DNAAF9: variants seen among roughly 807,000 people sequenced by gnomAD.
DNAAF9 encodes shulin.
A neutral mutation model predicts 167.0 loss-of-function variants in DNAAF9; 90 were observed. That is an observed-to-expected ratio of 0.54 (90% CI 0.45 to 0.64). DNAAF9 has a LOEUF of 0.64. Among genes scored for constraint, DNAAF9 ranks in the 30% least tolerant of loss-of-function variants. The pLI is 0.00. For missense variants in DNAAF9, 1,315 were observed against 1,442.2 expected (o/e 0.91, Z 1.43); for synonymous variants, 491 against 508.8 (o/e 0.96, Z 0.47).
chr20:3,394,054 T>G (rs1600920354), intron 1 of DNAAF9, among the ~76,000 whole-genome samples: 2 of 152,202 alleles, frequency 1.3e-5, no homozygotes, highest in African/African-American at 4.8e-5. Flanking sequence ...AAAGTTGTAT[T>G]GGGCCGGGTG....
intron 1 of DNAAF9, among the ~76,000 whole-genome samples, chr20:3,397,725 G>A (rs1320616310): frequency 6.6e-6 from 1 of 151,402 alleles, no homozygotes; most frequent in East Asian, 2.0e-4. Context: ...TTTTTGGGGG[G>A]GGGGAACATC....
chr20:3,287,925 T>C, intron 26 of DNAAF9, 135 bp from the exon 27 acceptor site: 1 of 787,990 alleles, frequency 1.3e-6, no homozygotes, highest in Non-Finnish European at 2.1e-6. Context: ...GAAAGCCATC[T>C]TGGCCTCACA....
At chr20:3,390,512 G>A (rs1320303725) in intron 1 of DNAAF9, among the ~76,000 whole-genome samples, 2 of 151,952 alleles carry the variant, frequency 1.3e-5, no homozygotes, top group African/African-American at 2.4e-5. Flanking sequence ...TTACAGGCGT[G>A]TGCCACCATG....
At position 3,317,659 on chromosome 20, in the gene DNAAF9, C is replaced by T. The variant is rs145863512; in HGVS notation, c.1468+630G>A. Among the ~76,000 whole-genome samples, 585 of 150,732 alleles carry T rather than the reference C, an allele frequency of 3.9e-3. 6 individuals are homozygous for T. The highest frequency in any genetic ancestry group is 0.012 in the African/African-American group (507 of 40,996). ...TCACCCAGGCTGGAGTGCAGTGGTG[C>T]GACCTCAGCTCAATGCAACCTCCGC... On this transcript the variant is annotated intron_variant, in intron 17 of 36. Transcript: ENST00000252032.
At chr20:3,260,105 C>T (rs1015277395) in intron 31 of DNAAF9, 77 bp from the exon 32 acceptor site, 18 of 740,496 alleles carry the variant, frequency 2.4e-5, no homozygotes, top group Admixed American at 1.3e-4. Context: ...TCTGGGAGGC[C>T]GAGGCGGGTG....
At position 3,319,578 on chromosome 20, in the gene DNAAF9, C is replaced by T. The variant is rs141508855; in HGVS notation, c.1357-1178G>A. Among the ~76,000 whole-genome samples, 102 of 152,250 alleles carry T rather than the reference C, an allele frequency of 6.7e-4. 1 individual carries two copies. Among genetic ancestry groups the T allele is most frequent in the Middle Eastern group, 3.4e-3 (1 of 294 alleles). ...CCCTCCTACCCTGAATAGTAGTGAG[C>T]GGTGGGTGCTGGTGCAGATCTCCTA... On this transcript the variant is annotated intron_variant, in intron 16 of 36. Transcript: ENST00000252032.
chr20:3,340,848 AG>A, intron 9 of DNAAF9: 1 of 550,530 alleles, frequency 1.8e-6, no homozygotes, highest in Non-Finnish European at 3.3e-6. Flanking sequence ...GTTAACATTT[AG>A]GGACATAACT....
rs147864392 is a variant in DNAAF9 at position 3,370,435 on chromosome 20, G to T, written c.612+3613C>A. On this transcript the variant is annotated intron_variant, in intron 6 of 36. Transcript: ENST00000252032. ...CGCTAATTTTTTTTTTTTTGAGATGGAGTCTCACACTGTCGTCCAGCTGGA... is the reference window on the plus strand; with the variant it reads ...CGCTAATTTTTTTTTTTTTGAGATGTAGTCTCACACTGTCGTCCAGCTGGA... Among the ~76,000 whole-genome samples, 1,143 of 142,654 alleles carry T rather than the reference G, an allele frequency of 8.0e-3. 10 individuals are homozygous for T. The highest frequency in any genetic ancestry group is 0.03 in the African/African-American group (1,083 of 36,398). The allele number at this position is 142,654 out of a possible 152,430, so 93.6% of individuals were successfully genotyped here.
chr20:3,255,424 C>T, intron 34 of DNAAF9, 140 bp from the exon 35 acceptor site: 1 of 604,620 alleles, frequency 1.7e-6, no homozygotes, highest in South Asian at 2.0e-5. Flanking sequence ...ATATAATATT[C>T]TGTCTAGTCT....
chr20:3,330,259 T>C (rs1239191083), intron 12 of DNAAF9, among the ~76,000 whole-genome samples: 2 of 152,102 alleles, frequency 1.3e-5, no homozygotes, highest in Admixed American at 6.5e-5. Flanking sequence ...TCTTCTTCTT[T>C]TTTTTTTACA....
intron 1 of DNAAF9, among the ~76,000 whole-genome samples, chr20:3,383,684 C>A (rs1356768902): frequency 1.3e-5 from 2 of 152,158 alleles, no homozygotes; most frequent in South Asian, 4.1e-4. Context: ...GCATCATCCC[C>A]ATCCCTTACT....
At chr20:3,343,860 CGT>C (rs779659970) in intron 8 of DNAAF9, 129 bp from the exon 9 acceptor site, 6 of 545,890 alleles carry the variant, frequency 1.1e-5, no homozygotes, top group African/African-American at 4.0e-5. Flanking sequence ...TGTGTGTGTG[CGT>C]GTGTGCATGT....
intron 27 of DNAAF9, among the ~76,000 whole-genome samples, chr20:3,282,497 G>C (rs1033710073): frequency 7.9e-5 from 12 of 152,126 alleles, no homozygotes; most frequent in Admixed American, 2.0e-4. Context: ...TCTCTGATCT[G>C]TTTTCAACAC....
intron 20 of DNAAF9, among the ~76,000 whole-genome samples, chr20:3,309,255 T>C (rs916336671): frequency 1.3e-5 from 2 of 152,142 alleles, no homozygotes; most frequent in Non-Finnish European, 2.9e-5. Context: ...ATTTTTACCA[T>C]GTCAAGTAAG....
intron 16 of DNAAF9, among the ~76,000 whole-genome samples, chr20:3,319,241 C>A (rs1310492018): frequency 1.7e-5 from 2 of 116,968 alleles, no homozygotes; most frequent in Non-Finnish European, 3.3e-5. Flanking sequence ...CCAGCCTGGG[C>A]AACGGACCGA....
intron 16 of DNAAF9, among the ~76,000 whole-genome samples, chr20:3,320,334 T>C (rs1461354406): frequency 1.3e-5 from 2 of 152,192 alleles, no homozygotes; most frequent in Non-Finnish European, 2.9e-5. Flanking sequence ...CAGGGAAGGC[T>C]TTGGGGAGGA....
chr20:3,287,146 G>GAAAGGGGA (rs1377399660), intron 27 of DNAAF9, among the ~76,000 whole-genome samples: 2 of 152,194 alleles, frequency 1.3e-5, no homozygotes, highest in Non-Finnish European at 2.9e-5. Flanking sequence ...ACACAGCCAT[G>GAAAGGGGA]AAAGGGGAGC....
intron 1 of DNAAF9, among the ~76,000 whole-genome samples, chr20:3,401,319 C>T (rs2083980319): frequency 1.3e-5 from 2 of 152,086 alleles, no homozygotes; most frequent in Non-Finnish European, 2.9e-5. Context: ...AATTCTCCTG[C>T]CTCAGCCTCT....
intron 10 of DNAAF9, among the ~76,000 whole-genome samples, chr20:3,338,021 C>T (rs531001830): frequency 1.8e-4 from 27 of 146,482 alleles, no homozygotes; most frequent in South Asian, 1.7e-3. Context: ...TTATATATTA[C>T]GTTATATATA....
Sources: allele counts gnomAD v4.1 joint callset (sites outside exome capture counted in the v4.1 genomes callset), GRCh38; gene constraint gnomAD v4.1.1; transcripts MANE v1.5; gene names NCBI Gene and HGNC (gene_info 2026-07-23, HGNC 2026-07-21).